The following SGCZ variants were observed in gnomAD, a reference collection of about 807,000 sequenced individuals.
The protein encoded by SGCZ is zeta-sarcoglycan.
A neutral mutation model predicts 41.3 loss-of-function variants in SGCZ; 40 were observed. The ratio of observed to expected loss-of-function variants is 0.97; its 90% confidence interval spans 0.75 to 1.26. SGCZ has a LOEUF of 1.26. Among genes scored for constraint, SGCZ ranks in the 50% most tolerant of loss-of-function variants. The pLI, the probability that SGCZ is intolerant of heterozygous loss-of-function variation, is 0.00. For synonymous variants in SGCZ, 206 were observed against 137.5 expected (o/e 1.50, Z -3.49); for missense variants, 552 against 369.8 (o/e 1.49, Z -4.04).
intron 2 of SGCZ, among the ~76,000 whole-genome samples, chr8:14,407,336 G>C (rs1272874479): frequency 6.6e-6 from 1 of 151,936 alleles, no homozygotes; most frequent in African/African-American, 2.4e-5. Context: ...GTATGCCACA[G>C]CTAAAAACTA....
intron 1 of SGCZ, among the ~76,000 whole-genome samples, chr8:14,749,488 C>G (rs1043344872): frequency 3.3e-5 from 5 of 152,094 alleles, no homozygotes; most frequent in African/African-American, 1.2e-4. Context: ...TCTAGGATTC[C>G]TGTTAGCAGA....
chr8:14,783,519 CTTCTT>C (rs751568134), intron 1 of SGCZ, among the ~76,000 whole-genome samples: 55 of 151,702 alleles, frequency 3.6e-4, no homozygotes, highest in Admixed American at 5.3e-4. Flanking sequence ...ACTAAAATCA[CTTCTT>C]TTCAGCTTTT....
chr8:14,483,269 T>C (rs1203552321), intron 2 of SGCZ, among the ~76,000 whole-genome samples: 1 of 152,150 alleles, frequency 6.6e-6, no homozygotes, highest in East Asian at 1.9e-4. Context: ...AAGGCAATTG[T>C]AGAACAAATG....
At chr8:14,853,475 C>A in intron 1 of SGCZ, 1 of 533,002 alleles carries the variant, frequency 1.9e-6, no homozygotes, top group Non-Finnish European at 3.8e-6. Flanking sequence ...TGATTAATAT[C>A]CACCCAAAGC....
At chr8:14,403,838 G>T (rs1799141525) in intron 2 of SGCZ, among the ~76,000 whole-genome samples, 1 of 151,674 alleles carries the variant, frequency 6.6e-6, no homozygotes, top group African/African-American at 2.4e-5. Flanking sequence ...ATAAAACTCT[G>T]TTAAGGCTGT....
At chr8:14,388,431 T>A (rs530127165) in intron 2 of SGCZ, among the ~76,000 whole-genome samples, 11 of 152,246 alleles carry the variant, frequency 7.2e-5, no homozygotes, top group African/African-American at 2.6e-4. Context: ...ATTAGGAGAA[T>A]ATTTTTTCTG....
chr8:15,129,886 G>A (rs902439987), intron 1 of SGCZ, among the ~76,000 whole-genome samples: 7 of 151,772 alleles, frequency 4.6e-5, no homozygotes, highest in East Asian at 1.9e-4. Flanking sequence ...CACCACCACC[G>A]ACAGCCTTGT....
intron 2 of SGCZ, among the ~76,000 whole-genome samples, chr8:14,461,065 T>C (rs754377435): frequency 2.0e-5 from 3 of 152,056 alleles, no homozygotes; most frequent in Non-Finnish European, 4.4e-5. Flanking sequence ...TGAGAAAAGA[T>C]ATGAAAAGGA....
intron 4 of SGCZ, among the ~76,000 whole-genome samples, chr8:14,207,858 G>C (rs1189107892): frequency 2.6e-5 from 4 of 152,090 alleles, no homozygotes; most frequent in Non-Finnish European, 5.9e-5. Flanking sequence ...TACTTGATAT[G>C]CGATTTGGGG....
chr8:14,648,234 G>A (rs1290823891), intron 1 of SGCZ, among the ~76,000 whole-genome samples: 1 of 151,964 alleles, frequency 6.6e-6, no homozygotes, highest in Non-Finnish European at 1.5e-5. Context: ...AAACAGATAG[G>A]GTTAGTACTA....
chr8:15,109,439 C>T (rs1431557619), intron 1 of SGCZ, among the ~76,000 whole-genome samples: 7 of 151,978 alleles, frequency 4.6e-5, no homozygotes, highest in African/African-American at 1.2e-4. Flanking sequence ...AATGTTTATA[C>T]GAGAAATGAT....
intron 1 of SGCZ, among the ~76,000 whole-genome samples, chr8:15,204,465 C>T (rs1041653960): frequency 1.3e-5 from 2 of 152,170 alleles, no homozygotes; most frequent in African/African-American, 4.8e-5. Flanking sequence ...AACACCTATA[C>T]TTCAGTCAAA....
At chr8:14,453,408 C>A (rs981418617) in intron 2 of SGCZ, among the ~76,000 whole-genome samples, 1 of 152,090 alleles carries the variant, frequency 6.6e-6, no homozygotes, top group East Asian at 1.9e-4. Flanking sequence ...AGAATTTGAA[C>A]AACAAGACAT....
intron 3 of SGCZ, among the ~76,000 whole-genome samples, chr8:14,241,137 A>G (rs1426757824): frequency 6.6e-6 from 1 of 152,088 alleles, no homozygotes; most frequent in Non-Finnish European, 1.5e-5. Context: ...AAATGAGAAA[A>G]TAACTGATAC....
chr8:14,612,958 T>C (rs779550703), intron 1 of SGCZ, among the ~76,000 whole-genome samples: 1 of 152,158 alleles, frequency 6.6e-6, no homozygotes, highest in Non-Finnish European at 1.5e-5. Context: ...AGTGCTGGGA[T>C]TACAGGCGTG....
chr8:15,168,248 T>G lies in SGCZ; in HGVS notation c.39+69337A>C, dbSNP rs73533427. Among the ~76,000 whole-genome samples, 1,057 of 152,274 alleles carry G rather than the reference T, an allele frequency of 6.9e-3. 7 individuals carry two copies. Among genetic ancestry groups the G allele is most frequent in the African/African-American group, 0.022 (922 of 41,550 alleles). The stretch of plus-strand genomic sequence containing the variant: ...TGGGTCTAAGGGATTCAGAGGCAGA[T>G]GACAACAGAGCTTAAAAGGCACAGC... On this transcript the variant is annotated intron_variant, in intron 1 of 7. Transcript: ENST00000382080.
chr8:15,159,749 CCCACCCCCG>C lies in SGCZ; in HGVS notation c.39+77827_39+77835del, dbSNP rs1563157610. ...CGCCCCCGCCCCCCCCACCCTCCCC[CCCACCCCCG>C]CCACACACACACAGATGGTGTCTGA... On this transcript the variant is annotated intron_variant, in intron 1 of 7. Coordinates refer to ENST00000382080, the MANE Select transcript of SGCZ (RefSeq NM_139167.4). Among the ~76,000 whole-genome samples the C allele has an allele frequency of 4.7e-3, 272 of 57,882 alleles. 9 individuals carry two copies. Among genetic ancestry groups the C allele is most frequent in the East Asian group, 0.042 (51 of 1,228 alleles). The allele number at this position is 57,882 out of a possible 152,430, so 38.0% of individuals were successfully genotyped here. A position where few individuals can be genotyped will look rare whatever the true frequency, so the allele number is the denominator to read the frequency against.
intron 5 of SGCZ, among the ~76,000 whole-genome samples, chr8:14,146,181 A>T (rs965172450): frequency 1.3e-5 from 2 of 152,202 alleles, no homozygotes; most frequent in African/African-American, 4.8e-5. Context: ...TGATAAAGAA[A>T]GGATTCTAAA....
intron 1 of SGCZ, among the ~76,000 whole-genome samples, chr8:15,153,261 A>C (rs1799233562): frequency 6.6e-6 from 1 of 151,274 alleles, no homozygotes; most frequent in African/African-American, 2.4e-5. Flanking sequence ...AAACAACATA[A>C]AACTTTTGAG....
Sources: gnomAD v4.1 joint callset for allele counts (sites outside exome capture counted in the v4.1 genomes callset) on GRCh38, gnomAD v4.1.1 for gene constraint, MANE v1.5 for transcripts, NCBI Gene and HGNC (gene_info 2026-07-23, HGNC 2026-07-21) for gene names.